The following NECTIN3 variants were observed in gnomAD, a reference collection of about 807,000 sequenced individuals.
NECTIN3 encodes the protein nectin-3.
In NECTIN3, 8 loss-of-function variants were observed where a neutral mutation model predicts 49.4. That is an observed-to-expected ratio of 0.16 (90% CI 0.10 to 0.29). NECTIN3 has a LOEUF of 0.29. NECTIN3 is among the 10% of genes least tolerant of loss of function. NECTIN3 has a pLI of 1.00. For synonymous variants in NECTIN3, 277 were observed against 241.1 expected (o/e 1.15, Z -1.38); for missense variants, 581 against 654.6 (o/e 0.89, Z 1.23).
chr3:111,094,396 T>C (rs933685814), intron 1 of NECTIN3, among the ~76,000 whole-genome samples: 3 of 152,262 alleles, frequency 2.0e-5, no homozygotes, highest in Admixed American at 1.3e-4. Context: ...TCAGTCTTAC[T>C]TTTTCATATT....
chr3:111,144,973 A>C (rs2034838531), exon 6 of NECTIN3: 1 of 1,536,206 alleles, frequency 6.5e-7, no homozygotes, highest in African/African-American at 1.4e-5. Flanking sequence ...CCTTTTCATC[A>C]TTGCTATCTT....
rs76864754 is a variant in NECTIN3 at position 111,082,666 on chromosome 3, G to C, written c.160+10489G>C. ...GGCACCAGGGACTGGTTTTGTGGAAGACAGTTTTCCCATGGCCTGGGGTTA... is the reference window on the plus strand; with the variant it reads ...GGCACCAGGGACTGGTTTTGTGGAACACAGTTTTCCCATGGCCTGGGGTTA... On this transcript the variant is annotated intron_variant, in intron 1 of 5. Transcript: ENST00000485303. Among the ~76,000 whole-genome samples the C allele has an allele frequency of 0.042, 6,414 of 152,230 alleles. 715 individuals are homozygous for C. In the East Asian group the frequency reaches 0.45, roughly 11 times the overall value.
intron 5 of NECTIN3, among the ~76,000 whole-genome samples, chr3:111,128,917 C>T (rs2034275266): frequency 1.3e-5 from 2 of 152,158 alleles, no homozygotes; most frequent in South Asian, 4.1e-4. Context: ...TCATGTCACT[C>T]CTCTCCTCAA....
intron 7 of NECTIN3, among the ~76,000 whole-genome samples, chr3:111,179,005 TA>T (rs1439626394): frequency 6.6e-6 from 1 of 152,238 alleles, no homozygotes; most frequent in Non-Finnish European, 1.5e-5. Context: ...ATCTTGGCTG[TA>T]ATAAAACTTG....
intron 7 of NECTIN3, among the ~76,000 whole-genome samples, chr3:111,175,607 C>A (rs1291946614): frequency 6.6e-6 from 1 of 152,108 alleles, no homozygotes; most frequent in Non-Finnish European, 1.5e-5. Context: ...TATTAATTTT[C>A]AGTCCATTCA....
At position 111,133,784 on chromosome 3, in the gene NECTIN3, G is replaced by A; in HGVS notation, c.1219G>A (p.Ala407Thr). ...IKDDTIATII[A>T]SVVGGALFIV... ...GGATGACACAATTGCCACGATCATT[G>A]CTAGTGTAGTGGGTGGGGCTCTCTT... Residue 407 changes from alanine (A) to threonine (T), a missense_variant, in exon 6 of 6, where the codon GCT becomes ACT. This residue lies in a region of NECTIN3 where 238 missense variants were observed against 244.9 expected (regional missense o/e 0.97). Transcript: ENST00000485303. 1.2e-6 allele frequency: 2 copies of A among 1,613,994 alleles called. No homozygotes were observed. Among genetic ancestry groups the A allele is most frequent in the Non-Finnish European group, 1.7e-6 (2 of 1,179,890 alleles).
chr3:111,157,203 A>AT (rs1011889047), intron 7 of NECTIN3, among the ~76,000 whole-genome samples: 1 of 152,054 alleles, frequency 6.6e-6, no homozygotes, highest in Admixed American at 6.6e-5. Context: ...CTTTACAAAT[A>AT]TTTTTCAAAA....
exon 1 of NECTIN3, chr3:111,192,374 T>C: frequency 6.5e-7 from 1 of 1,536,024 alleles, no homozygotes. Context: ...CTTTGCAGAC[T>C]CAGTTCAAAG....
chr3:111,120,776 C>G (rs902289580), intron 3 of NECTIN3, among the ~76,000 whole-genome samples: 2 of 152,030 alleles, frequency 1.3e-5, no homozygotes, highest in African/African-American at 4.8e-5. Flanking sequence ...ATAACTAGCA[C>G]TTCATTGGGG....
intron 5 of NECTIN3, among the ~76,000 whole-genome samples, chr3:111,131,680 A>C (rs1474678131): frequency 6.6e-6 from 1 of 151,960 alleles, no homozygotes; most frequent in African/African-American, 2.4e-5. Flanking sequence ...AATGGACAAT[A>C]GATGACCATT....
chr3:111,098,822 A>C (rs948314134), intron 1 of NECTIN3, among the ~76,000 whole-genome samples: 2 of 151,246 alleles, frequency 1.3e-5, no homozygotes, highest in Non-Finnish European at 2.9e-5. Context: ...TCTCCTCCTG[A>C]CTACACTTTA....
Position 111,134,649 on chromosome 3 carries a change from A to G in NECTIN3, c.*434A>G, listed in dbSNP as rs1458850572. The G allele has an allele frequency of 3.4e-6, 3 of 871,972 alleles. No homozygotes were observed. The highest frequency in any genetic ancestry group is 1.4e-6 in the Non-Finnish European group (1 of 726,914). 54.0% of individuals were successfully genotyped at this position (871,972 alleles called of 1,614,324 possible). ...ATTTATCACCACTCAATGACACTGCATCAAAATTGACTATAAAACTAATTC... is the reference window on the plus strand; with the variant it reads ...ATTTATCACCACTCAATGACACTGCGTCAAAATTGACTATAAAACTAATTC... On this transcript the variant is annotated 3_prime_UTR_variant, in exon 6 of 6. Transcript: ENST00000485303.
chr3:111,075,498 A>G (rs1044675079), intron 1 of NECTIN3, among the ~76,000 whole-genome samples: 2 of 152,164 alleles, frequency 1.3e-5, no homozygotes, highest in African/African-American at 4.8e-5. Flanking sequence ...AGAATAAAAC[A>G]ATTAGAAGAG....
chr3:111,095,494 T>C (rs1022197387), intron 1 of NECTIN3, among the ~76,000 whole-genome samples: 5 of 152,202 alleles, frequency 3.3e-5, no homozygotes, highest in Admixed American at 6.5e-5. Context: ...AATTGCTAAA[T>C]AGTGCAGAAA....
intron 1 of NECTIN3, among the ~76,000 whole-genome samples, chr3:111,094,877 C>CT (rs2107403131): frequency 6.6e-6 from 1 of 152,282 alleles, no homozygotes; most frequent in Admixed American, 6.5e-5. Context: ...AAAGAGTGAA[C>CT]TATCATCAGT....
At chr3:111,132,615 C>T (rs1273438907) in intron 5 of NECTIN3, among the ~76,000 whole-genome samples, 1 of 151,808 alleles carries the variant, frequency 6.6e-6, no homozygotes, top group African/African-American at 2.4e-5. Context: ...ATTAACCAGT[C>T]TTTAATTTTT....
At chr3:111,084,712 T>G (rs879739345) in intron 1 of NECTIN3, among the ~76,000 whole-genome samples, 9 of 152,186 alleles carry the variant, frequency 5.9e-5, no homozygotes, top group Non-Finnish European at 1.2e-4. Flanking sequence ...GATAATTAAA[T>G]GGTAAAATAA....
At chr3:111,123,316 C>G (rs2034029746) in intron 4 of NECTIN3, among the ~76,000 whole-genome samples, 1 of 152,106 alleles carries the variant, frequency 6.6e-6, no homozygotes, top group Non-Finnish European at 1.5e-5. Flanking sequence ...TCTCTTTTCC[C>G]TCCAAGTTCT....
chr3:111,119,488 C>T (rs967475932), intron 3 of NECTIN3, among the ~76,000 whole-genome samples: 4 of 152,120 alleles, frequency 2.6e-5, no homozygotes, highest in East Asian at 1.9e-4. Flanking sequence ...TGCACCACCA[C>T]GCCCTGCTAA....
Sources: allele counts gnomAD v4.1 joint callset (sites outside exome capture counted in the v4.1 genomes callset), GRCh38; gene constraint gnomAD v4.1.1; regional missense constraint gnomAD v4.1.1; transcripts MANE v1.5; gene names NCBI Gene and HGNC (gene_info 2026-07-23, HGNC 2026-07-21).